ETV6: variants seen among roughly 807,000 people sequenced by gnomAD.
The protein encoded by ETV6 is transcription factor ETV6.
A neutral mutation model predicts 51.1 loss-of-function variants in ETV6; 16 were observed. The ratio of observed to expected loss-of-function variants is 0.31; its 90% CI spans 0.21 to 0.48. ETV6 has a LOEUF of 0.48. ETV6 is among the 20% of genes least tolerant of loss of function. The pLI, the probability that ETV6 is intolerant of heterozygous loss-of-function variation, is 0.99. For synonymous variants in ETV6, 240 were observed against 224.1 expected, an observed-to-expected ratio of 1.07 and a Z score of -0.64; for missense variants, 458 against 594.8, an observed-to-expected ratio of 0.77 and a Z score of 2.39.
chr12:11,655,426 A>G (rs1863982815), intron 1 of ETV6, among the ~76,000 whole-genome samples: 1 of 152,212 alleles, frequency 6.6e-6, no homozygotes, highest in Non-Finnish European at 1.5e-5. Context: ...TGCCAAACCT[A>G]GTATTTGGGG....
intron 3 of ETV6, among the ~76,000 whole-genome samples, chr12:11,846,189 A>G (rs892550991): frequency 7.3e-5 from 11 of 151,462 alleles, no homozygotes; most frequent in African/African-American, 2.7e-4. Context: ...ATTCTGACAT[A>G]TCTAAAAAGT....
intron 4 of ETV6, among the ~76,000 whole-genome samples, chr12:11,868,843 G>C (rs915642405): frequency 2.0e-5 from 3 of 152,176 alleles, no homozygotes; most frequent in African/African-American, 7.2e-5. Flanking sequence ...ATGGGGCATG[G>C]AAGTTTGGCT....
At chr12:11,826,701 C>G (rs1234216970) in intron 2 of ETV6, 1 of 152,222 alleles carries the variant, frequency 6.6e-6, no homozygotes, top group Admixed American at 6.5e-5. Context: ...AATGTAAAAT[C>G]CCAGGTGGGG....
intron 1 of ETV6, among the ~76,000 whole-genome samples, chr12:11,683,858 T>C (rs1261330800): frequency 6.6e-6 from 1 of 152,122 alleles, no homozygotes; most frequent in Admixed American, 6.5e-5. Flanking sequence ...TCTCATAATA[T>C]GAACCTCATA....
chr12:11,773,838 C>T (rs1350460171), intron 2 of ETV6, among the ~76,000 whole-genome samples: 1 of 152,226 alleles, frequency 6.6e-6, no homozygotes, highest in African/African-American at 2.4e-5. Context: ...AACTCCCTTC[C>T]ACAGGGCTGC....
chr12:11,729,991 G>A (rs984221464), intron 1 of ETV6, among the ~76,000 whole-genome samples: 1 of 152,118 alleles, frequency 6.6e-6, no homozygotes, highest in Non-Finnish European at 1.5e-5. Context: ...AGAAAGGGGA[G>A]TTCATGACCA....
intron 1 of ETV6, among the ~76,000 whole-genome samples, chr12:11,733,134 C>T (rs953691760): frequency 4.6e-5 from 7 of 152,120 alleles, no homozygotes; most frequent in African/African-American, 7.2e-5. Flanking sequence ...TTGGGCTGGG[C>T]GCAGTGGCTC....
At chr12:11,845,406 G>A (rs1014262417) in intron 3 of ETV6, among the ~76,000 whole-genome samples, 2 of 152,054 alleles carry the variant, frequency 1.3e-5, no homozygotes, top group African/African-American at 2.4e-5. Flanking sequence ...CTGTTTTCTC[G>A]AGAGCTTATT....
chr12:11,671,994 CT>C (rs35974807), intron 1 of ETV6, among the ~76,000 whole-genome samples: 7,016 of 139,684 alleles, frequency 0.05, 169 homozygotes, highest in African/African-American at 0.071. Context: ...GGATCTGATC[CT>C]TTTTTTTTTT....
chr12:11,813,662 T>C (rs1010257682), intron 2 of ETV6, among the ~76,000 whole-genome samples: 3 of 141,058 alleles, frequency 2.1e-5, no homozygotes, highest in Non-Finnish European at 4.6e-5. Flanking sequence ...TCTTCAGAAC[T>C]GACAACTATA....
At chr12:11,802,097 C>T (rs1945758130) in intron 2 of ETV6, among the ~76,000 whole-genome samples, 1 of 152,232 alleles carries the variant, frequency 6.6e-6, no homozygotes, top group South Asian at 2.1e-4. Flanking sequence ...GGGAAACTTC[C>T]TGTTGGTTAG....
At chr12:11,723,221 T>C (rs1265291960) in intron 1 of ETV6, among the ~76,000 whole-genome samples, 1 of 152,024 alleles carries the variant, frequency 6.6e-6, no homozygotes, top group East Asian at 1.9e-4. Context: ...CATTCCCTGC[T>C]CTATGGCAAG....
At chr12:11,825,354 G>T (rs923731791) in intron 2 of ETV6, among the ~76,000 whole-genome samples, 1 of 152,080 alleles carries the variant, frequency 6.6e-6, no homozygotes, top group Non-Finnish European at 1.5e-5. Context: ...AAACAAGAAA[G>T]GTTTTAAAAA....
chr12:11,759,195 A>G (rs1399565355), intron 2 of ETV6, among the ~76,000 whole-genome samples: 2 of 151,390 alleles, frequency 1.3e-5, no homozygotes, highest in African/African-American at 2.4e-5. Flanking sequence ...ATATAACCAG[A>G]GGTTTACTGA....
chr12:11,670,859 C>T (rs1374038455), intron 1 of ETV6, among the ~76,000 whole-genome samples: 4 of 152,186 alleles, frequency 2.6e-5, no homozygotes, highest in African/African-American at 9.7e-5. Context: ...ACTTGCCTTG[C>T]AGGGTTTTAA....
intron 1 of ETV6, among the ~76,000 whole-genome samples, chr12:11,668,319 T>C (rs78329288): frequency 0.039 from 5,840 of 149,032 alleles, 131 homozygotes; most frequent in Admixed American, 0.063. Context: ...ACCCTCCCCT[T>C]CCTCCACCCA....
rs895253405 is a variant in ETV6 at position 11,714,673 on chromosome 12, G to C, written c.34-37777G>C. On this transcript the variant is annotated intron_variant, in intron 1 of 7. Coordinates refer to ENST00000396373, the MANE Select transcript of ETV6 (RefSeq NM_001987.5). ...TGAAAAAAAAAAAAAAAAAAAAAAAGATCTGTGATGGAAGACACTTACAGA... is the reference window on the plus strand; with the variant it reads ...TGAAAAAAAAAAAAAAAAAAAAAAACATCTGTGATGGAAGACACTTACAGA... 8.6e-5 allele frequency among the ~76,000 whole-genome samples: 10 copies of C among 116,220 alleles called. 1 individual carries two copies. In the Admixed American group the frequency reaches 9.1e-4, roughly 11 times the overall value. The allele number at this position is 116,220 out of a possible 152,430, so 76.2% of individuals were successfully genotyped here. A position where few individuals can be genotyped will look rare whatever the true frequency, so the allele number is the denominator to read the frequency against.
intron 1 of ETV6, among the ~76,000 whole-genome samples, chr12:11,693,379 A>G (rs113644147): frequency 1.3e-5 from 2 of 152,162 alleles, no homozygotes; most frequent in Non-Finnish European, 2.9e-5. Flanking sequence ...TAGACAGGTC[A>G]TGTTCACTTA....
chr12:11,840,631 C>T (rs533547577), intron 3 of ETV6: 265 of 397,322 alleles, frequency 6.7e-4, no homozygotes, highest in Non-Finnish European at 1.2e-3. Flanking sequence ...AGCCCCAGCA[C>T]CCGTATCTCC....
Sources: gnomAD v4.1 joint callset for allele counts (sites outside exome capture counted in the v4.1 genomes callset) on GRCh38, gnomAD v4.1.1 for gene constraint, MANE v1.5 for transcripts, NCBI Gene and HGNC (gene_info 2026-07-23, HGNC 2026-07-21) for gene names.